Variants in FYN observed in about 807,000 individuals in gnomAD.
FYN encodes FYN proto-oncogene, Src family tyrosine kinase.
In FYN, 10 loss-of-function variants were observed where a neutral mutation model predicts 70.2. That is an observed-to-expected ratio of 0.14 (90% CI 0.09 to 0.24). The LOEUF (loss-of-function observed/expected upper bound fraction) is 0.24, where lower values mean the gene tolerates loss of function less well. FYN is among the 10% of genes least tolerant of loss of function. The pLI, the probability that FYN is intolerant of heterozygous loss-of-function variation, is 1.00. For missense variants in FYN, 319 were observed against 673.1 expected (o/e 0.47, Z 5.82); for synonymous variants, 236 against 248.6 (o/e 0.95, Z 0.48).
intron 8 of FYN, among the ~76,000 whole-genome samples, chr6:111,700,812 T>C (rs561959009): frequency 8.5e-5 from 13 of 152,278 alleles, no homozygotes; most frequent in African/African-American, 3.1e-4. Flanking sequence ...ATTATAACTT[T>C]AGTGGAGGAT....
At chr6:111,739,282 G>T (rs960233758) in intron 3 of FYN, among the ~76,000 whole-genome samples, 1 of 152,236 alleles carries the variant, frequency 6.6e-6, no homozygotes, top group African/African-American at 2.4e-5. Context: ...GCAGGGCTCT[G>T]GCAAGATGCA....
At chr6:111,715,459 G>A (rs706887) in intron 4 of FYN, among the ~76,000 whole-genome samples, 3,599 of 152,234 alleles carry the variant, frequency 0.024, 149 homozygotes, top group African/African-American at 0.077. Flanking sequence ...CTCCCCTTGA[G>A]TGTGGGCTGG....
At chr6:111,686,694 C>T (rs916616235) in intron 12 of FYN, among the ~76,000 whole-genome samples, 1 of 151,924 alleles carries the variant, frequency 6.6e-6, no homozygotes, top group African/African-American at 2.4e-5. Flanking sequence ...CTGTTCAGGT[C>T]ACAGCACACT....
At chr6:111,675,683 C>T (rs976862072) in intron 12 of FYN, among the ~76,000 whole-genome samples, 1 of 152,108 alleles carries the variant, frequency 6.6e-6, no homozygotes, top group East Asian at 1.9e-4. Flanking sequence ...GTCCCAGCTA[C>T]TTGGGAGGCT....
At chr6:111,832,623 T>C (rs543851400) in intron 2 of FYN, among the ~76,000 whole-genome samples, 5 of 152,200 alleles carry the variant, frequency 3.3e-5, no homozygotes, top group African/African-American at 1.2e-4. Flanking sequence ...AATTAATATA[T>C]AATATTCAAT....
At chr6:111,809,168 G>A (rs1407206424) in intron 2 of FYN, among the ~76,000 whole-genome samples, 1 of 152,122 alleles carries the variant, frequency 6.6e-6, no homozygotes, top group Non-Finnish European at 1.5e-5. Context: ...TTCCAGTTAG[G>A]TTTTACCTCC....
chr6:111,669,307 T>G (rs947715800), intron 13 of FYN, among the ~76,000 whole-genome samples: 32 of 151,476 alleles, frequency 2.1e-4, no homozygotes, highest in Admixed American at 1.1e-3. Context: ...TGGTGGCGGG[T>G]GCCTGTAATC....
chr6:111,736,241 T>A (rs1015414746), intron 3 of FYN, among the ~76,000 whole-genome samples: 7 of 152,234 alleles, frequency 4.6e-5, no homozygotes, highest in African/African-American at 1.7e-4. Context: ...TCAAGTCAAA[T>A]ACGAATGTCT....
chr6:111,676,980 T>C (rs1001048588), intron 12 of FYN, among the ~76,000 whole-genome samples: 12 of 152,218 alleles, frequency 7.9e-5, no homozygotes, highest in Admixed American at 2.0e-4. Context: ...TAATCTACAA[T>C]AAGGATTATA....
At chr6:111,691,022 T>C (rs1011051727) in intron 12 of FYN, among the ~76,000 whole-genome samples, 1 of 152,210 alleles carries the variant, frequency 6.6e-6, no homozygotes, top group Admixed American at 6.5e-5. Context: ...AAAGTGTTTG[T>C]AACTAAAGAC....
At chr6:111,769,553 A>G (rs1258551505) in intron 3 of FYN, among the ~76,000 whole-genome samples, 12 of 152,182 alleles carry the variant, frequency 7.9e-5, no homozygotes, top group Admixed American at 5.2e-4. Context: ...ATATTGGGAG[A>G]CTATTTGACT....
intron 1 of FYN, 24 bp from the exon 2 acceptor site, chr6:111,846,653 T>C: frequency 2.5e-6 from 1 of 398,064 alleles, no homozygotes; most frequent in Non-Finnish European, 4.4e-6. Flanking sequence ...AAAAAAAAAG[T>C]GAGACATCAA....
At chr6:111,822,848 A>T (rs922372082) in intron 2 of FYN, among the ~76,000 whole-genome samples, 2 of 152,270 alleles carry the variant, frequency 1.3e-5, no homozygotes, top group Non-Finnish European at 2.9e-5. Flanking sequence ...CAACCACACC[A>T]TCATTGACTG....
At chr6:111,714,630 T>C (rs529223756) in intron 4 of FYN, 187 bp from the exon 5 acceptor site, 16 of 584,270 alleles carry the variant, frequency 2.7e-5, no homozygotes, top group South Asian at 2.3e-4. Flanking sequence ...TTGGTCTTTG[T>C]AGGGGAAGCC....
chr6:111,862,522 AC>A (rs1773990714), intron 1 of FYN, among the ~76,000 whole-genome samples: 1 of 152,102 alleles, frequency 6.6e-6, no homozygotes, highest in African/African-American at 2.4e-5. Flanking sequence ...CCAGTGCCTT[AC>A]CCCGGGCCTG....
At chr6:111,814,198 T>G (rs1772413308) in intron 2 of FYN, 1 of 152,098 alleles carries the variant, frequency 6.6e-6, no homozygotes, top group South Asian at 2.1e-4. Flanking sequence ...AGTATTCCTA[T>G]TCAACATTTT....
intron 9 of FYN, chr6:111,696,675 T>C: frequency 2.4e-6 from 1 of 422,622 alleles, no homozygotes; most frequent in African/African-American, 2.0e-5. Flanking sequence ...TATTAAGATT[T>C]ATAACTCATT....
chr6:111,758,025 G>A (rs1289598285), intron 3 of FYN, among the ~76,000 whole-genome samples: 2 of 152,082 alleles, frequency 1.3e-5, no homozygotes, highest in Non-Finnish European at 2.9e-5. Flanking sequence ...GATCTTGCTG[G>A]ACAACTCACT....
rs574164058 is a variant in FYN, at chr6:111,763,303, C to A, written c.-12+17263G>T. Among the ~76,000 whole-genome samples, 5 of 152,302 alleles carry A rather than the reference C, an allele frequency of 3.3e-5. No individual in the cohort carries two copies. In the East Asian group the frequency reaches 7.7e-4, roughly 23 times the overall value. On this transcript the variant is annotated intron_variant, in intron 3 of 13. Transcript: ENST00000354650. ...ACCCTGGGTACCTGTTCCTCAGGACCCCCTGAAGCTATGTCATGGGTCATG... is the reference window on the plus strand; with the variant it reads ...ACCCTGGGTACCTGTTCCTCAGGACACCCTGAAGCTATGTCATGGGTCATG...
Sources: gnomAD v4.1 joint callset for allele counts (sites outside exome capture counted in the v4.1 genomes callset) on GRCh38, gnomAD v4.1.1 for gene constraint, MANE v1.5 for transcripts, NCBI Gene and HGNC (gene_info 2026-07-23, HGNC 2026-07-21) for gene names.